The following TUSC3 variants were observed in gnomAD, a reference collection of about 807,000 sequenced individuals.
TUSC3 encodes tumor suppressor candidate 3.
In TUSC3, 45 loss-of-function variants were observed where a neutral mutation model predicts 44.8. That is an observed-to-expected ratio of 1.00 (90% CI 0.79 to 1.29). The LOEUF (loss-of-function observed/expected upper bound fraction) is 1.29. TUSC3 is among the 50% of genes most tolerant of loss of function. The probability of loss-of-function intolerance (pLI) is 0.00; values close to 1 mark genes in which losing one functional copy is unlikely to be tolerated. For synonymous variants in TUSC3, 212 were observed against 152.9 expected, an observed-to-expected ratio of 1.39 and a Z score of -2.85; for missense variants, 519 against 437.9, an observed-to-expected ratio of 1.19 and a Z score of -1.65.
chr8:15,850,862 C>T, the TUSC3 span, among the ~76,000 whole-genome samples: 1 of 152,200 alleles, frequency 6.6e-6, no homozygotes, highest in East Asian at 1.9e-4. Flanking sequence ...TTTCTAGCTT[C>T]TATGAGTTGA....
intron 1 of TUSC3, among the ~76,000 whole-genome samples, chr8:15,596,365 C>T (rs931815723): frequency 2.6e-5 from 4 of 152,176 alleles, no homozygotes; most frequent in Non-Finnish European, 2.9e-5. Context: ...GAACTGCACA[C>T]ATCCACTTTT....
At chr8:15,843,069 G>T in the TUSC3 span, among the ~76,000 whole-genome samples, 9 of 152,182 alleles carry the variant, frequency 5.9e-5, no homozygotes, top group Admixed American at 5.9e-4. Context: ...GAGGAGCGAG[G>T]GCTTTGAGGA....
intron 1 of TUSC3, among the ~76,000 whole-genome samples, chr8:15,450,508 A>T (rs1442126086): frequency 6.6e-6 from 1 of 151,942 alleles, no homozygotes; most frequent in African/African-American, 2.4e-5. Flanking sequence ...AGATGGTGAA[A>T]CCCCATCTCT....
intron 6 of TUSC3, among the ~76,000 whole-genome samples, chr8:15,715,222 G>A (rs1454355552): frequency 2.0e-5 from 3 of 152,040 alleles, no homozygotes; most frequent in South Asian, 2.1e-4. Context: ...TCCTAAACAT[G>A]CATACCAGGA....
intron 1 of TUSC3, among the ~76,000 whole-genome samples, chr8:15,548,257 T>C (rs1165631520): frequency 6.6e-6 from 1 of 151,890 alleles, no homozygotes; most frequent in African/African-American, 2.4e-5. Flanking sequence ...TTGTCTTTAC[T>C]GACAGTAGAT....
intron 1 of TUSC3, among the ~76,000 whole-genome samples, chr8:15,465,574 T>A (rs1427852217): frequency 6.6e-6 from 1 of 152,216 alleles, no homozygotes; most frequent in Non-Finnish European, 1.5e-5. Context: ...TAAAATGTGA[T>A]CAAAGTTTTG....
chr8:15,621,972 A>G (rs1238305642), intron 1 of TUSC3, among the ~76,000 whole-genome samples: 1 of 152,030 alleles, frequency 6.6e-6, no homozygotes, highest in Non-Finnish European at 1.5e-5. Flanking sequence ...CACTGCAACA[A>G]GTCTTTTACC....
At chr8:15,512,317 CA>C (rs1801148275) in intron 2 of TUSC3, among the ~76,000 whole-genome samples, 1 of 152,114 alleles carries the variant, frequency 6.6e-6, no homozygotes, top group Non-Finnish European at 1.5e-5. Flanking sequence ...AAGGTTTTAA[CA>C]GAAGAAAAAC....
intron 1 of TUSC3, among the ~76,000 whole-genome samples, chr8:15,428,540 G>C (rs6010075): frequency 6.6e-6 from 1 of 152,074 alleles, no homozygotes; most frequent in African/African-American, 2.4e-5. Flanking sequence ...CTGAGGAATC[G>C]CCACACCGAC....
rs773138833 is a variant in TUSC3 at position 15,650,795 on chromosome 8, G to A, written c.407G>A (p.Gly136Glu). 6.2e-7 allele frequency: 1 copy of A among 1,613,932 alleles called. No individual in the cohort carries two copies. Among genetic ancestry groups the A allele is most frequent in the Admixed American group, 1.7e-5 (1 of 60,002 alleles). The change falls in exon 3 of 11, where the codon GGG becomes GAG. Residue 136 changes from glycine (G) to glutamate (E), a missense_variant. Gly to Glu is a moderately conservative substitution (Grantham distance 98, BLOSUM62 -2). Transcript: ENST00000503731. ...TTCAGTATGGTGGACTATGATGAGG[G>A]GACAGACGTTTTTCAGCAGGTAAAG... The part of the protein sequence containing the change: ...LFFSMVDYDE[G>E]TDVFQQLNMN...
intron 2 of TUSC3, among the ~76,000 whole-genome samples, chr8:15,524,743 T>C (rs1801351238): frequency 6.6e-6 from 1 of 152,230 alleles, no homozygotes; most frequent in Admixed American, 6.5e-5. Context: ...CTCTTTTCAC[T>C]GTCGTTCTCT....
At chr8:15,422,850 A>G (rs1208085118) in intron 1 of TUSC3, among the ~76,000 whole-genome samples, 2 of 152,020 alleles carry the variant, frequency 1.3e-5, no homozygotes, top group African/African-American at 2.4e-5. Context: ...GCCATGTTGT[A>G]CAGGCTGGTC....
At chr8:15,491,042 A>G (rs1474025474) in intron 2 of TUSC3, among the ~76,000 whole-genome samples, 1 of 152,228 alleles carries the variant, frequency 6.6e-6, no homozygotes, top group African/African-American at 2.4e-5. Context: ...ATCAGCGTTC[A>G]CTGAACACAC....
chr8:15,621,201 T>C (rs1323550661), intron 1 of TUSC3, among the ~76,000 whole-genome samples: 1 of 151,788 alleles, frequency 6.6e-6, no homozygotes, highest in Non-Finnish European at 1.5e-5. Context: ...TATTTTAAAA[T>C]GTTTTCAAGG....
At chr8:15,526,714 A>G (rs1295641574) in intron 2 of TUSC3, among the ~76,000 whole-genome samples, 1 of 152,094 alleles carries the variant, frequency 6.6e-6, no homozygotes, top group African/African-American at 2.4e-5. Context: ...TTTATAAGTT[A>G]CCCAGTCTCA....
intron 9 of TUSC3, among the ~76,000 whole-genome samples, chr8:15,750,567 T>C (rs1222703956): frequency 6.6e-6 from 1 of 152,246 alleles, no homozygotes; most frequent in Non-Finnish European, 1.5e-5. Flanking sequence ...TTTAGTATAA[T>C]AACTCTCTAC....
At chr8:15,716,965 G>T (rs755603296) in intron 6 of TUSC3, among the ~76,000 whole-genome samples, 13 of 151,806 alleles carry the variant, frequency 8.6e-5, no homozygotes, top group Admixed American at 1.3e-4. Flanking sequence ...TTTTACTGTA[G>T]GGTTTAAATG....
intron 1 of TUSC3, among the ~76,000 whole-genome samples, chr8:15,432,427 A>G (rs10093330): frequency 0.16 from 24,697 of 152,076 alleles, 2,085 homozygotes; most frequent in Middle Eastern, 0.23. Flanking sequence ...TGTCTACTTT[A>G]TCCATTAGAG....
chr8:15,471,293 A>G (rs1299107977), intron 1 of TUSC3, among the ~76,000 whole-genome samples: 1 of 152,148 alleles, frequency 6.6e-6, no homozygotes, highest in African/African-American at 2.4e-5. Context: ...AAATTTGGTG[A>G]TGTTCTTGTG....
Sources: gnomAD v4.1 joint callset for allele counts (sites outside exome capture counted in the v4.1 genomes callset) on GRCh38, gnomAD v4.1.1 for gene constraint, MANE v1.5 for transcripts, NCBI Gene and HGNC (gene_info 2026-07-23, HGNC 2026-07-21) for gene names.